The following ZNF385D variants were observed in gnomAD, a reference collection of about 807,000 sequenced individuals.
ZNF385D encodes the protein zinc finger protein 385D.
A neutral mutation model predicts 35.8 loss-of-function variants in ZNF385D; 15 were observed. The ratio of observed to expected loss-of-function variants is 0.42; its 90% CI spans 0.28 to 0.64. The LOEUF (loss-of-function observed/expected upper bound fraction) is 0.64, where lower values mean the gene tolerates loss of function less well. Ranked by LOEUF, ZNF385D falls within the 30% of genes least tolerant of loss-of-function variation. The pLI is 0.23. For missense variants in ZNF385D, 474 were observed against 494.6 expected, an observed-to-expected ratio of 0.96 and a Z score of 0.39; for synonymous variants, 212 against 186.8, an observed-to-expected ratio of 1.13 and a Z score of -1.10.
intron 3 of ZNF385D, among the ~76,000 whole-genome samples, chr3:21,954,569 G>C (rs1294144124): frequency 6.6e-6 from 1 of 151,972 alleles, no homozygotes; most frequent in Non-Finnish European, 1.5e-5. Flanking sequence ...TGTGAGTTCT[G>C]TTTGTTAATT....
chr3:21,624,144 T>C (rs1390462742), intron 2 of ZNF385D, among the ~76,000 whole-genome samples: 1 of 152,116 alleles, frequency 6.6e-6, no homozygotes, highest in African/African-American at 2.4e-5. Context: ...ATTTAATTTA[T>C]GGAAACCAAC....
intron 3 of ZNF385D, among the ~76,000 whole-genome samples, chr3:21,943,120 G>A (rs1701612342): frequency 6.6e-6 from 1 of 151,984 alleles, no homozygotes; most frequent in Non-Finnish European, 1.5e-5. Context: ...CATACTGGAA[G>A]GCCTAAAAAT....
chr3:21,866,324 T>C (rs7622237), intron 3 of ZNF385D, among the ~76,000 whole-genome samples: 68,471 of 151,530 alleles, frequency 0.45, 15,733 homozygotes, highest in African/African-American at 0.52. Flanking sequence ...CATGGTGGCG[T>C]GCACCTGTAA....
chr3:21,543,214 GGCA>G (rs2062241920), intron 3 of ZNF385D, among the ~76,000 whole-genome samples: 1 of 152,172 alleles, frequency 6.6e-6, no homozygotes, highest in South Asian at 2.1e-4. Flanking sequence ...AGGGGGCTGA[GGCA>G]GGAGAATCAC....
rs150131187 is a variant in ZNF385D at position 21,964,904 on chromosome 3, C to A, written c.325+203913G>T. Among the ~76,000 whole-genome samples the A allele has an allele frequency of 2.5e-3, 380 of 152,176 alleles. 1 individual carries two copies. Among genetic ancestry groups the A allele is most frequent in the African/African-American group, 8.7e-3 (362 of 41,514 alleles). On this transcript the variant is annotated intron_variant, in intron 3 of 5. Transcript: ENST00000494108. ...CAAATGATATGAGACTGTGAAATAT[C>A]CTCAGAAGCTACTGAACATAGGAAG... is the stretch of plus-strand genomic sequence containing the variant.
At chr3:21,677,509 A>G (rs1446850095) in intron 1 of ZNF385D, among the ~76,000 whole-genome samples, 1 of 152,078 alleles carries the variant, frequency 6.6e-6, no homozygotes, top group East Asian at 1.9e-4. Flanking sequence ...CTTTGGCTGC[A>G]GATTCACTAG....
intron 3 of ZNF385D, among the ~76,000 whole-genome samples, chr3:22,059,324 A>G (rs1699574264): frequency 6.6e-6 from 1 of 152,162 alleles, no homozygotes; most frequent in African/African-American, 2.4e-5. Context: ...AGAAGTGTGT[A>G]GTCTGGGTGT....
intron 3 of ZNF385D, among the ~76,000 whole-genome samples, chr3:22,046,295 CAT>C (rs138594634): frequency 0.016 from 2,412 of 152,200 alleles, 74 homozygotes; most frequent in African/African-American, 0.056. Flanking sequence ...CTTCATTAAC[CAT>C]ATGTTACCAG....
intron 3 of ZNF385D, among the ~76,000 whole-genome samples, chr3:22,050,294 T>G (rs1699271017): frequency 6.6e-6 from 1 of 151,764 alleles, no homozygotes; most frequent in African/African-American, 2.4e-5. Context: ...CCCCAGAGGT[T>G]GACGCTCCAG....
intron 3 of ZNF385D, among the ~76,000 whole-genome samples, chr3:21,851,623 A>T (rs1696393526): frequency 1.3e-5 from 2 of 152,066 alleles, no homozygotes; most frequent in Admixed American, 6.6e-5. Context: ...TCATGACTCC[A>T]TATGTTAATA....
intron 1 of ZNF385D, among the ~76,000 whole-genome samples, chr3:21,681,725 A>G (rs912028243): frequency 2.0e-5 from 3 of 151,768 alleles, no homozygotes; most frequent in African/African-American, 4.8e-5. Context: ...CAAAAAAGGA[A>G]ATAAAACAAT....
At chr3:21,484,888 C>A (rs1704918849) in intron 4 of ZNF385D, among the ~76,000 whole-genome samples, 1 of 152,112 alleles carries the variant, frequency 6.6e-6, no homozygotes, top group South Asian at 2.1e-4. Context: ...CAGACTGCTC[C>A]TGTGCCCAGA....
At chr3:21,447,262 G>T (rs577841804) in intron 4 of ZNF385D, among the ~76,000 whole-genome samples, 1 of 152,048 alleles carries the variant, frequency 6.6e-6, no homozygotes, top group African/African-American at 2.4e-5. Context: ...AATTTACTCC[G>T]AAGGCATTTT....
chr3:22,237,115 G>A (rs1699228667), intron 2 of ZNF385D, among the ~76,000 whole-genome samples: 1 of 152,120 alleles, frequency 6.6e-6, no homozygotes, highest in African/African-American at 2.4e-5. Context: ...TTTCCAAAGT[G>A]GCTGCCCTGT....
chr3:21,837,262 C>T (rs1337859326), intron 3 of ZNF385D, among the ~76,000 whole-genome samples: 6 of 152,072 alleles, frequency 3.9e-5, no homozygotes, highest in Non-Finnish European at 5.9e-5. Flanking sequence ...TGTATAAAAA[C>T]CATTCAAAAT....
chr3:22,255,532 T>C (rs1461774003), intron 2 of ZNF385D, among the ~76,000 whole-genome samples: 1 of 151,876 alleles, frequency 6.6e-6, no homozygotes, highest in Non-Finnish European at 1.5e-5. Context: ...TCATTAACTG[T>C]AGGATCGTTT....
intron 2 of ZNF385D, among the ~76,000 whole-genome samples, chr3:22,209,515 T>C (rs1697377495): frequency 6.6e-6 from 1 of 151,924 alleles, no homozygotes; most frequent in African/African-American, 2.4e-5. Flanking sequence ...ATATACTAAA[T>C]ATGGCTTAGG....
intron 3 of ZNF385D, among the ~76,000 whole-genome samples, chr3:22,120,736 T>G (rs951949992): frequency 3.3e-5 from 5 of 152,190 alleles, no homozygotes; most frequent in Admixed American, 6.6e-5. Flanking sequence ...CAATTAATAC[T>G]AAAACAAAAA....
intron 3 of ZNF385D, among the ~76,000 whole-genome samples, chr3:22,068,578 C>G (rs1440818827): frequency 6.6e-6 from 1 of 152,142 alleles, no homozygotes; most frequent in Non-Finnish European, 1.5e-5. Context: ...TGCCTGGCTT[C>G]CTACAGGTTC....
Sources: gnomAD v4.1 joint callset for allele counts (sites outside exome capture counted in the v4.1 genomes callset) on GRCh38, gnomAD v4.1.1 for gene constraint, MANE v1.5 for transcripts, NCBI Gene and HGNC (gene_info 2026-07-23, HGNC 2026-07-21) for gene names.